The following SLC16A10 variants were observed in gnomAD, a reference collection of about 807,000 sequenced individuals.
SLC16A10 encodes the protein solute carrier family 16 member 10, also known as monocarboxylate transporter 10.
Under a neutral mutation model 40.0 loss-of-function variants are expected in SLC16A10, and 27 were observed. The observed-to-expected ratio is 0.67, with a 90% confidence interval of 0.50 to 0.93. The LOEUF (loss-of-function observed/expected upper bound fraction) is 0.93. SLC16A10 is among the 40% of genes least tolerant of loss of function. The probability of loss-of-function intolerance (pLI) is 0.00; values close to 1 mark genes in which losing one functional copy is unlikely to be tolerated. For synonymous variants in SLC16A10, 213 were observed against 249.8 expected, an observed-to-expected ratio of 0.85 and a Z score of 1.39; for missense variants, 529 against 658.2, an observed-to-expected ratio of 0.80 and a Z score of 2.15.
At chr6:111,162,457 A>G (rs1252205199) in intron 1 of SLC16A10, among the ~76,000 whole-genome samples, 1 of 152,214 alleles carries the variant, frequency 6.6e-6, no homozygotes, top group East Asian at 1.9e-4. Flanking sequence ...GGGACTGTGT[A>G]GAAGACAAAG....
chr6:111,191,830 G>A (rs931123104), intron 3 of SLC16A10, among the ~76,000 whole-genome samples: 2 of 151,992 alleles, frequency 1.3e-5, no homozygotes, highest in African/African-American at 4.8e-5. Context: ...TTTGAAAAGT[G>A]TTCATATCCT....
chr6:111,227,851 T>G lies in SLC16A10; in HGVS notation c.*5616T>G, dbSNP rs1771030622. ...ACTTGATCATGACAATTCATCTACC[T>G]CCGCTTTCCGTGTCCAGCTGAAAGC... On this transcript the variant is annotated 3_prime_UTR_variant, in exon 6 of 6. Transcript: ENST00000368851. The G allele has an allele frequency of 6.6e-6, 1 of 152,152 alleles. No individual in the cohort carries two copies. The highest frequency in any genetic ancestry group is 2.4e-5 in the African/African-American group (1 of 41,430). The allele number at this position is 152,152 out of a possible 1,614,324, so 9.4% of individuals were successfully genotyped here. A position where few individuals can be genotyped will look rare whatever the true frequency, so the allele number is the denominator to read the frequency against.
chr6:111,206,594 G>A lies in SLC16A10; in HGVS notation c.945G>A (p.Met315Ile), dbSNP rs768294441. The change falls in exon 4 of 6, where the codon ATG (methionine) becomes ATA (isoleucine). Residue 315 changes from methionine (M) to isoleucine (I), a missense_variant and splice_region_variant. Transcript: ENST00000368851. Reference sequence around the variant, plus strand: ...GTTTCTTTCTCTTTGGCCTATAGATGAAACATGTAAATGAAAGATTTCAAG... The same window carrying A: ...GTTTCTTTCTCTTTGGCCTATAGATAAAACATGTAAATGAAAGATTTCAAG... ...FGYFVPYVHL[M>I]KHVNERFQDE... 4 of 1,613,782 alleles carry A rather than the reference G, an allele frequency of 2.5e-6. No individual in the cohort carries two copies. Among genetic ancestry groups the A allele is most frequent in the Non-Finnish European group, 3.4e-6 (4 of 1,179,956 alleles).
At chr6:111,120,303 G>A (rs1771561722) in intron 1 of SLC16A10, among the ~76,000 whole-genome samples, 1 of 152,158 alleles carries the variant, frequency 6.6e-6, no homozygotes, top group South Asian at 2.1e-4. Context: ...TCACTGTTTA[G>A]AAATTTAACT....
chr6:111,177,725 A>G, intron 3 of SLC16A10, 60 bp downstream of exon 3: 1 of 1,420,866 alleles, frequency 7.0e-7, no homozygotes, highest in Non-Finnish European at 9.4e-7. Flanking sequence ...AACTTCTTTG[A>G]AGAGAAAGTT....
intron 1 of SLC16A10, among the ~76,000 whole-genome samples, chr6:111,168,695 A>G (rs916176180): frequency 1.3e-5 from 2 of 152,228 alleles, no homozygotes; most frequent in Admixed American, 1.3e-4. Flanking sequence ...AACTTCATCT[A>G]TTGCCAATTA....
At chr6:111,186,977 G>A (rs190131428) in intron 3 of SLC16A10, among the ~76,000 whole-genome samples, 1 of 152,232 alleles carries the variant, frequency 6.6e-6, no homozygotes, top group East Asian at 1.9e-4. Context: ...CTGTATCTCT[G>A]TATCCATGTT....
At chr6:111,090,986 C>T (rs1419348008) in intron 1 of SLC16A10, among the ~76,000 whole-genome samples, 1 of 152,172 alleles carries the variant, frequency 6.6e-6, no homozygotes, top group African/African-American at 2.4e-5. Context: ...GAATCTAGGT[C>T]TCCAAATGAT....
chr6:111,094,132 T>G (rs1049925000), intron 1 of SLC16A10, among the ~76,000 whole-genome samples: 1 of 152,204 alleles, frequency 6.6e-6, no homozygotes, highest in Admixed American at 6.5e-5. Context: ...TGAGGTGTCT[T>G]TTAGAATAAA....
chr6:111,117,450 T>C (rs920971097), intron 1 of SLC16A10, among the ~76,000 whole-genome samples: 1 of 152,192 alleles, frequency 6.6e-6, no homozygotes, highest in African/African-American at 2.4e-5. Flanking sequence ...GGACCAACTT[T>C]ACTTTAGTCA....
intron 1 of SLC16A10, among the ~76,000 whole-genome samples, chr6:111,170,086 T>G (rs1772556879): frequency 6.6e-6 from 1 of 151,770 alleles, no homozygotes; most frequent in Non-Finnish European, 1.5e-5. Context: ...GGCGGCTAAT[T>G]TTTGTATTTT....
At chr6:111,139,080 T>C (rs375487323) in intron 1 of SLC16A10, among the ~76,000 whole-genome samples, 27 of 129,064 alleles carry the variant, frequency 2.1e-4, no homozygotes, top group East Asian at 6.6e-4. Context: ...GGCTTTTTTT[T>C]TTCTTCTTCT....
At chr6:111,217,438 T>G (rs1773443810) in intron 4 of SLC16A10, among the ~76,000 whole-genome samples, 1 of 135,010 alleles carries the variant, frequency 7.4e-6, no homozygotes, top group Non-Finnish European at 1.7e-5. Context: ...TGTTCAGTTT[T>G]TGTTGTTGTT....
At chr6:111,097,336 G>A (rs1771091553) in intron 1 of SLC16A10, among the ~76,000 whole-genome samples, 1 of 151,922 alleles carries the variant, frequency 6.6e-6, no homozygotes, top group African/African-American at 2.4e-5. Context: ...TTTGGAGACA[G>A]AGTCTTGCTC....
intron 1 of SLC16A10, among the ~76,000 whole-genome samples, chr6:111,096,802 T>TTTTC (rs890407814): frequency 2.6e-5 from 4 of 152,094 alleles, no homozygotes; most frequent in Admixed American, 6.6e-5. Context: ...AGTGAATCTT[T>TTTTC]TTTCTTTCTT....
intron 1 of SLC16A10, among the ~76,000 whole-genome samples, chr6:111,132,995 C>T (rs1771812527): frequency 6.6e-6 from 1 of 152,198 alleles, no homozygotes; most frequent in Non-Finnish European, 1.5e-5. Flanking sequence ...GTTACCTACA[C>T]CCTCTCTGAA....
chr6:111,197,080 A>C (rs945979034), intron 3 of SLC16A10, among the ~76,000 whole-genome samples: 1 of 152,210 alleles, frequency 6.6e-6, no homozygotes, highest in East Asian at 1.9e-4. Flanking sequence ...CTACTCAACA[A>C]ATTTTAATCT....
At chr6:111,117,808 A>G (rs1231500699) in intron 1 of SLC16A10, among the ~76,000 whole-genome samples, 2 of 152,204 alleles carry the variant, frequency 1.3e-5, no homozygotes, top group African/African-American at 2.4e-5. Context: ...CTTGCTGAAC[A>G]ATTAATCCAG....
intron 1 of SLC16A10, among the ~76,000 whole-genome samples, chr6:111,124,069 G>A (rs982457397): frequency 6.6e-6 from 1 of 152,138 alleles, no homozygotes; most frequent in African/African-American, 2.4e-5. Context: ...CAAATACTCT[G>A]AGGTCCTAGG....
Sources: gnomAD v4.1 joint callset for allele counts (sites outside exome capture counted in the v4.1 genomes callset) on GRCh38, gnomAD v4.1.1 for gene constraint, MANE v1.5 for transcripts, NCBI Gene and HGNC (gene_info 2026-07-23, HGNC 2026-07-21) for gene names.